PRDM16: variants seen among roughly 807,000 people sequenced by gnomAD.
The protein encoded by PRDM16 is PR/SET domain 16.
In PRDM16, 23 loss-of-function variants were observed where a neutral mutation model predicts 110.6. The observed-to-expected ratio is 0.21, with a 90% CI of 0.15 to 0.29. The LOEUF (loss-of-function observed/expected upper bound fraction) is 0.29, where lower values mean the gene tolerates loss of function less well. Among genes scored for constraint, PRDM16 ranks in the 10% least tolerant of loss-of-function variants. The pLI, the probability that PRDM16 is intolerant of heterozygous loss-of-function variation, is 1.00. For synonymous variants in PRDM16, 799 were observed against 781.8 expected, an observed-to-expected ratio of 1.02 and a Z score of -0.37; for missense variants, 1,615 against 1,794.3, an observed-to-expected ratio of 0.90 and a Z score of 1.81.
intron 1 of PRDM16, among the ~76,000 whole-genome samples, chr1:3,151,878 C>A (rs1410189332): frequency 2.6e-5 from 4 of 152,236 alleles, no homozygotes; most frequent in African/African-American, 9.6e-5. Context: ...CTCTGGAGCA[C>A]CTTCCAGCCA....
rs927499443 is a variant in PRDM16, at chr1:3,181,044, A to G, written c.38-5081A>G. 2.0e-4 allele frequency among the ~76,000 whole-genome samples: 29 copies of G among 143,660 alleles called. 1 individual carries two copies. The highest frequency in any genetic ancestry group is 7.4e-4 in the African/African-American group (28 of 37,636). The allele number at this position is 143,660 out of a possible 152,430, so 94.2% of individuals were successfully genotyped here. ...TGCGGTCTTACACGCGGTCTTACACACGCAGTCTTACACGCGGTCTTACAC... is the reference window on the plus strand; with the variant it reads ...TGCGGTCTTACACGCGGTCTTACACGCGCAGTCTTACACGCGGTCTTACAC... On this transcript the variant is annotated intron_variant, in intron 1 of 16. Transcript: ENST00000270722.
At chr1:3,211,835 G>A (rs1241672668) in intron 2 of PRDM16, among the ~76,000 whole-genome samples, 1 of 152,250 alleles carries the variant, frequency 6.6e-6, no homozygotes, top group Non-Finnish European at 1.5e-5. Flanking sequence ...GTGCGTGCGC[G>A]TGCATCCACG....
chr1:3,152,188 G>C (rs1643786227), intron 1 of PRDM16, among the ~76,000 whole-genome samples: 1 of 152,198 alleles, frequency 6.6e-6, no homozygotes, highest in African/African-American at 2.4e-5. Context: ...TGAAGGTGGG[G>C]AAGGCAGGAG....
chr1:3,102,260 A>G (rs1642551793), intron 1 of PRDM16, among the ~76,000 whole-genome samples: 1 of 152,150 alleles, frequency 6.6e-6, no homozygotes, highest in Admixed American at 6.5e-5. Flanking sequence ...GAGGGGACTC[A>G]GGGGAGGGAG....
rs1430886543 is a variant in PRDM16 at position 3,080,086 on chromosome 1, C to T, written c.37+10790C>T. The stretch of plus-strand genomic sequence containing the variant: ...GCGGCAGCGATCTGGAGCACTTTTC[C>T]GCACGCTGTAACCCCTGAGAAGAAA... On this transcript the variant is annotated intron_variant, in intron 1 of 16. Transcript: ENST00000270722. The surrounding 1 kb of genome is among the most constrained non-coding windows in gnomAD (Gnocchi z 5.2). Among the ~76,000 whole-genome samples the T allele has an allele frequency of 2.6e-5, 4 of 152,176 alleles. No individual in the cohort carries two copies. The highest frequency in any genetic ancestry group is 9.7e-5 in the African/African-American group (4 of 41,424).
At chr1:3,137,005 C>G (rs573436967) in intron 1 of PRDM16, among the ~76,000 whole-genome samples, 3 of 152,284 alleles carry the variant, frequency 2.0e-5, no homozygotes, top group Admixed American at 2.0e-4. Flanking sequence ...GTTCTCACCC[C>G]CAGGGTCCCA....
chr1:3,415,752 C>A (rs1268717754), intron 10 of PRDM16, among the ~76,000 whole-genome samples: 1 of 152,238 alleles, frequency 6.6e-6, no homozygotes, highest in African/African-American at 2.4e-5. Flanking sequence ...GGGCCTGCCA[C>A]CCCCGCTGCC....
intron 1 of PRDM16, among the ~76,000 whole-genome samples, chr1:3,163,874 A>G (rs1643920568): frequency 1.3e-5 from 2 of 152,240 alleles, no homozygotes. Context: ...CGCATCCGTG[A>G]TGACCCTTCT....
intron 3 of PRDM16, among the ~76,000 whole-genome samples, chr1:3,311,659 G>C (rs1251421295): frequency 1.3e-5 from 2 of 152,214 alleles, no homozygotes; most frequent in African/African-American, 4.8e-5. Flanking sequence ...GACACAGCCA[G>C]AAAAGGCGAG....
intron 5 of PRDM16, among the ~76,000 whole-genome samples, chr1:3,397,782 C>T (rs2483218): frequency 0.028 from 4,272 of 152,280 alleles, 201 homozygotes; most frequent in African/African-American, 0.096. Context: ...TCCAAGGAAC[C>T]ACTCTGATTT....
At chr1:3,138,244 G>A (rs1340440373) in intron 1 of PRDM16, among the ~76,000 whole-genome samples, 2 of 152,222 alleles carry the variant, frequency 1.3e-5, no homozygotes, top group Non-Finnish European at 2.9e-5. Flanking sequence ...GTGGCTTTGT[G>A]CAGAAAGGAA....
intron 1 of PRDM16, among the ~76,000 whole-genome samples, chr1:3,112,013 C>T (rs1260495416): frequency 1.3e-5 from 2 of 152,104 alleles, no homozygotes; most frequent in Non-Finnish European, 2.9e-5. Flanking sequence ...AATGTCAGTG[C>T]GGATAATTGG....
rs115282426 is a variant in PRDM16 at position 3,399,267 on chromosome 1, C to T, written c.676+2674C>T. 8.0e-3 allele frequency among the ~76,000 whole-genome samples: 1,221 copies of T among 152,296 alleles called. 11 individuals carry two copies. The highest frequency in any genetic ancestry group is 0.028 in the African/African-American group (1,156 of 41,548). ...AGGAGGCAGTGCGTGGAGGACAGAG[C>T]GCATGAGCCAGCCAGATCGTGAGAT... On this transcript the variant is annotated intron_variant, in intron 5 of 16. Coordinates refer to ENST00000270722, the MANE Select transcript of PRDM16 (RefSeq NM_022114.4).
At chr1:3,279,148 C>T (rs953169258) in intron 3 of PRDM16, among the ~76,000 whole-genome samples, 1 of 152,140 alleles carries the variant, frequency 6.6e-6, no homozygotes, top group Non-Finnish European at 1.5e-5. Flanking sequence ...TCCGGGGATG[C>T]AGTTGGTCAT....
chr1:3,350,793 T>C lies in PRDM16; in HGVS notation c.439-34359T>C, dbSNP rs1199271783. ...CCCAATGCCGCGTCCAGTGTTTTCC[T>C]CTTTCTGGGCCTCAAACTCTTTTTT... is the stretch of plus-strand genomic sequence containing the variant. On this transcript the variant is annotated intron_variant, in intron 3 of 16. Coordinates refer to ENST00000270722, the MANE Select transcript of PRDM16 (RefSeq NM_022114.4). This position sits in a 1 kb window ranked among gnomAD's most constrained non-coding sequence, Gnocchi z 7.1. Among the ~76,000 whole-genome samples, 1 of 152,078 alleles carries C rather than the reference T, an allele frequency of 6.6e-6. No homozygotes were observed. The highest frequency in any genetic ancestry group is 1.5e-5 in the Non-Finnish European group (1 of 67,990).
At chr1:3,428,656 G>A (rs1411984623) in intron 14 of PRDM16, among the ~76,000 whole-genome samples, 1 of 152,212 alleles carries the variant, frequency 6.6e-6, no homozygotes, top group Non-Finnish European at 1.5e-5. Context: ...TGGGCCTCCT[G>A]CAGAACCAGC....
chr1:3,321,824 A>G (rs994959007), intron 3 of PRDM16, among the ~76,000 whole-genome samples: 2 of 136,500 alleles, frequency 1.5e-5, no homozygotes, highest in Non-Finnish European at 3.2e-5. Context: ...GCACATGTGT[A>G]CATGTGTGCA....
intron 3 of PRDM16, among the ~76,000 whole-genome samples, chr1:3,371,558 T>G (rs1375863834): frequency 6.9e-6 from 1 of 145,966 alleles, no homozygotes; most frequent in Non-Finnish European, 1.5e-5. Flanking sequence ...CATCCATCCA[T>G]CCACCCACCC....
chr1:3,081,225 G>A lies in PRDM16; in HGVS notation c.37+11929G>A, dbSNP rs1162067556. 2.0e-5 allele frequency among the ~76,000 whole-genome samples: 3 copies of A among 152,240 alleles called. No individual in the cohort carries two copies. Among genetic ancestry groups the A allele is most frequent in the Non-Finnish European group, 2.9e-5 (2 of 68,042 alleles). On this transcript the variant is annotated intron_variant, in intron 1 of 16. Transcript: ENST00000270722. This position sits in a 1 kb window ranked among gnomAD's most constrained non-coding sequence, Gnocchi z 4.6. ...TTGAATCTCATCTGCTAATTACGGC[G>A]GCGGGACTTGGGTTCGAGGCCCCTC...
Sources: gnomAD v4.1 joint callset for allele counts (sites outside exome capture counted in the v4.1 genomes callset) on GRCh38, gnomAD v4.1.1 for gene constraint, Gnocchi (gnomAD v3.1) non-coding constraint, MANE v1.5 for transcripts, NCBI Gene and HGNC (gene_info 2026-07-23, HGNC 2026-07-21) for gene names.